Variants in DLG2 observed in about 807,000 individuals in gnomAD.
DLG2 encodes disks large homolog 2.
A neutral mutation model predicts 132.5 loss-of-function variants in DLG2; 45 were observed. That is an observed-to-expected ratio of 0.34 (90% CI 0.27 to 0.44). The LOEUF is 0.44. Ranked by LOEUF, DLG2 falls within the 20% of genes least tolerant of loss-of-function variation. The probability of loss-of-function intolerance (pLI) is 1.00; values close to 1 mark genes in which losing one functional copy is unlikely to be tolerated. For missense variants in DLG2, 1,045 were observed against 1,196.9 expected (o/e 0.87, Z 1.87); for synonymous variants, 424 against 419.6 (o/e 1.01, Z -0.13).
chr11:85,496,489 G>A (rs531606457), intron 3 of DLG2, among the ~76,000 whole-genome samples: 1 of 152,210 alleles, frequency 6.6e-6, no homozygotes, highest in Non-Finnish European at 1.5e-5. Context: ...TCTGGGGACA[G>A]GGCATATCTG....
intron 7 of DLG2, among the ~76,000 whole-genome samples, chr11:84,467,332 A>G (rs1175579089): frequency 4.0e-5 from 6 of 151,438 alleles, no homozygotes; most frequent in Non-Finnish European, 8.9e-5. Flanking sequence ...TAGTTAAGAG[A>G]AAAGCAGTAA....
intron 18 of DLG2, among the ~76,000 whole-genome samples, chr11:83,779,384 C>T (rs987304091): frequency 1.2e-4 from 19 of 152,150 alleles, no homozygotes; most frequent in African/African-American, 4.6e-4. Context: ...GTCATGTATA[C>T]ATCATTCAGT....
chr11:85,436,953 T>C (rs2091516170), intron 3 of DLG2, among the ~76,000 whole-genome samples: 1 of 152,150 alleles, frequency 6.6e-6, no homozygotes, highest in African/African-American at 2.4e-5. Context: ...ATATATATCA[T>C]GGAATATTAT....
intron 6 of DLG2, among the ~76,000 whole-genome samples, chr11:84,591,519 T>C (rs367842293): frequency 3.3e-5 from 5 of 151,592 alleles, no homozygotes; most frequent in Admixed American, 1.3e-4. Context: ...ATACAAAAAT[T>C]TGCTGATGGC....
chr11:84,607,609 C>A (rs1022937585), intron 6 of DLG2, among the ~76,000 whole-genome samples: 1 of 151,948 alleles, frequency 6.6e-6, no homozygotes, highest in Non-Finnish European at 1.5e-5. Context: ...CAGTTTACTC[C>A]TTTTTTTAAT....
chr11:85,319,177 T>C (rs1021646886), intron 3 of DLG2, among the ~76,000 whole-genome samples: 1 of 151,896 alleles, frequency 6.6e-6, no homozygotes, highest in Non-Finnish European at 1.5e-5. Flanking sequence ...AACCATATAA[T>C]ATGCTATTTC....
At chr11:83,865,737 G>C (rs918551386) in intron 16 of DLG2, among the ~76,000 whole-genome samples, 1 of 152,132 alleles carries the variant, frequency 6.6e-6, no homozygotes, top group African/African-American at 2.4e-5. Flanking sequence ...ATGGGATTTA[G>C]AAAATCATGT....
intron 6 of DLG2, chr11:84,997,581 G>A (rs2057783307): frequency 6.6e-6 from 1 of 152,194 alleles, no homozygotes; most frequent in South Asian, 2.1e-4. Flanking sequence ...TGGTGTCTGG[G>A]TAGGAAAGAG....
intron 7 of DLG2, among the ~76,000 whole-genome samples, chr11:84,297,502 T>A (rs2098107069): frequency 6.6e-6 from 1 of 152,158 alleles, no homozygotes; most frequent in African/African-American, 2.4e-5. Flanking sequence ...ACAAAATATA[T>A]CCTCAGTCTC....
At chr11:85,524,041 G>A (rs2074540806) in intron 3 of DLG2, among the ~76,000 whole-genome samples, 1 of 152,132 alleles carries the variant, frequency 6.6e-6, no homozygotes, top group Admixed American at 6.6e-5. Flanking sequence ...AAAACAACTG[G>A]ACTCATGGAG....
chr11:84,614,100 A>T, intron 6 of DLG2, among the ~76,000 whole-genome samples: 1 of 152,336 alleles, frequency 6.6e-6, no homozygotes, highest in East Asian at 1.9e-4. Flanking sequence ...TCAATCATTT[A>T]TTAATTTTTT....
intron 6 of DLG2, among the ~76,000 whole-genome samples, chr11:84,818,994 A>G (rs542941595): frequency 2.0e-5 from 3 of 151,144 alleles, no homozygotes; most frequent in South Asian, 2.1e-4. Context: ...AATACATTTA[A>G]TGAGAGCCCA....
At chr11:84,381,078 G>T (rs1028735736) in intron 7 of DLG2, among the ~76,000 whole-genome samples, 6 of 151,760 alleles carry the variant, frequency 4.0e-5, no homozygotes, top group Non-Finnish European at 8.8e-5. Context: ...AATTTGAAAC[G>T]ATAATAAGAT....
intron 3 of DLG2, among the ~76,000 whole-genome samples, chr11:85,538,446 C>T (rs1485630925): frequency 6.6e-6 from 1 of 151,830 alleles, no homozygotes; most frequent in Non-Finnish European, 1.5e-5. Flanking sequence ...TCCTCAAAGA[C>T]CTAGAACCAG....
chr11:84,596,190 G>GTC (rs59824224), intron 6 of DLG2, among the ~76,000 whole-genome samples: 34,174 of 144,624 alleles, frequency 0.24, 3,967 homozygotes, highest in South Asian at 0.29. Flanking sequence ...TCTTTTCTCT[G>GTC]TCTCTCTCTC....
intron 3 of DLG2, among the ~76,000 whole-genome samples, chr11:85,506,751 A>G (rs928966151): frequency 2.6e-5 from 4 of 152,160 alleles, no homozygotes; most frequent in Non-Finnish European, 5.9e-5. Context: ...TGCAGAGCTG[A>G]GTTCAAGTCC....
At position 85,222,828 on chromosome 11, in the gene DLG2, C is replaced by A. The variant is rs1394608726; in HGVS notation, c.186+62392G>T. Among the ~76,000 whole-genome samples, 6 of 152,144 alleles carry A rather than the reference C, an allele frequency of 3.9e-5. No homozygotes were observed. The East Asian group carries it at 1.2e-3, about 29-fold the overall frequency. ...TTTTTCCCGGCTAGTCCTATGGTAG[C>A]TTCCCTGGTGTCCCAGTTGTCAGCT... is the stretch of plus-strand genomic sequence containing the variant. On this transcript the variant is annotated intron_variant, in intron 4 of 27. Transcript: ENST00000376104.
At chr11:84,140,396 A>C (rs1277671200) in intron 9 of DLG2, among the ~76,000 whole-genome samples, 1 of 152,176 alleles carries the variant, frequency 6.6e-6, no homozygotes, top group African/African-American at 2.4e-5. Context: ...TATGTCAAAC[A>C]AGTAAAACAA....
At chr11:84,722,791 T>C (rs916884103) in intron 6 of DLG2, among the ~76,000 whole-genome samples, 3 of 152,198 alleles carry the variant, frequency 2.0e-5, no homozygotes, top group South Asian at 4.1e-4. Context: ...AGGGCAGCCA[T>C]GCCTAAGGTT....
Sources: allele counts gnomAD v4.1 joint callset (sites outside exome capture counted in the v4.1 genomes callset), GRCh38; gene constraint gnomAD v4.1.1; transcripts MANE v1.5; gene names NCBI Gene and HGNC (gene_info 2026-07-23, HGNC 2026-07-21).